The following CALCRL variants were observed in gnomAD, a reference collection of about 807,000 sequenced individuals.
CALCRL encodes the protein calcitonin receptor like receptor.
A neutral mutation model predicts 60.4 loss-of-function variants in CALCRL; 27 were observed. The observed-to-expected ratio is 0.45, with a 90% CI of 0.33 to 0.62. CALCRL has a LOEUF of 0.62. Ranked by LOEUF, CALCRL falls within the 20% of genes least tolerant of loss-of-function variation. The pLI is 0.03. For synonymous variants in CALCRL, 190 were observed against 182.6 expected (o/e 1.04, Z -0.33); for missense variants, 424 against 540.7 (o/e 0.78, Z 2.14).
intron 1 of CALCRL, among the ~76,000 whole-genome samples, chr2:187,439,066 A>G (rs1559080364): frequency 6.6e-6 from 1 of 152,136 alleles, no homozygotes; most frequent in Non-Finnish European, 1.5e-5. Flanking sequence ...TATTTAGTAA[A>G]CAGTTTTGGG....
At position 187,401,108 on chromosome 2, in the gene CALCRL, A is replaced by G. The variant is rs370929856; in HGVS notation, c.-292-13352T>C. Among the ~76,000 whole-genome samples the G allele has an allele frequency of 9.2e-5, 14 of 151,728 alleles. No homozygotes were observed. In the East Asian group the frequency reaches 1.6e-3, roughly 17 times the overall value. ...CTTTTAATGATTCTATTGCCCAAGT[A>G]GGGAACATATTGAATTGTACACTTT... On this transcript the variant is annotated intron_variant, in intron 1 of 14. Transcript: ENST00000392370.
chr2:187,447,683 G>A (rs574270081), intron 1 of CALCRL, among the ~76,000 whole-genome samples: 6 of 151,984 alleles, frequency 3.9e-5, no homozygotes, highest in African/African-American at 1.2e-4. Context: ...CTTCCGGGGG[G>A]AGAAATGTTT....
intron 8 of CALCRL, among the ~76,000 whole-genome samples, chr2:187,375,208 C>A (rs1574244575): frequency 6.9e-6 from 1 of 145,680 alleles, no homozygotes; most frequent in Admixed American, 7.1e-5. Context: ...GGAAGCGGAG[C>A]TTGCAGTGAG....
chr2:187,423,695 A>C (rs1689994640), intron 1 of CALCRL, among the ~76,000 whole-genome samples: 1 of 152,024 alleles, frequency 6.6e-6, no homozygotes, highest in South Asian at 2.1e-4. Flanking sequence ...TGGATCATTT[A>C]TTGGCATATC....
chr2:187,428,678 G>A (rs1690257838), intron 1 of CALCRL: 1 of 152,316 alleles, frequency 6.6e-6, no homozygotes, highest in Non-Finnish European at 1.5e-5. Flanking sequence ...TGGATCACGA[G>A]GTCGGGAGAT....
chr2:187,399,280 G>A (rs566917284), intron 1 of CALCRL, among the ~76,000 whole-genome samples: 4 of 151,448 alleles, frequency 2.6e-5, no homozygotes, highest in South Asian at 2.1e-4. Context: ...ATACATCTAC[G>A]GAGTAATTTT....
chr2:187,364,656 A>G (rs988214326), intron 8 of CALCRL, among the ~76,000 whole-genome samples: 2 of 152,198 alleles, frequency 1.3e-5, no homozygotes, highest in Non-Finnish European at 1.5e-5. Context: ...ACGGTTTTCT[A>G]TATTTAAAAA....
At chr2:187,350,289 TTTAA>T (rs1004284638) in intron 14 of CALCRL, among the ~76,000 whole-genome samples, 1 of 151,634 alleles carries the variant, frequency 6.6e-6, no homozygotes, top group African/African-American at 2.4e-5. Flanking sequence ...CTCATCTATA[TTTAA>T]TTATTACATC....
In CALCRL at chr2:187,415,699, A is replaced by ACCC. The variant is rs1574298199; in HGVS notation, c.-292-27944_-292-27943insGGG. 1.9e-5 allele frequency: 11 copies of ACCC among 584,050 alleles called. No homozygotes were observed. The East Asian group carries it at 4.2e-4, about 22-fold the overall frequency. 36.2% of individuals were successfully genotyped at this position (584,050 alleles called of 1,614,324 possible). A position where few individuals can be genotyped will look rare whatever the true frequency, so the allele number is the denominator to read the frequency against. ...GCACCAGGTTGTCTCCTCCGACTTC[A>ACCC]ACAGTGACACCCACTCTTCCACCTT... On this transcript the variant is annotated intron_variant, in intron 1 of 14. Transcript: ENST00000392370.
Position 187,346,251 on chromosome 2 carries a change from T to G in CALCRL, c.1319A>C (p.His440Pro). 6.2e-7 allele frequency: 1 copy of G among 1,612,228 alleles called. No homozygotes were observed. Among genetic ancestry groups the G allele is most frequent in the Middle Eastern group, 1.7e-4 (1 of 6,054 alleles). Reference sequence around the variant, plus strand: ...ATCATGGATGCTTTTTCCATTTAAGTGTTCACTAGGACAGTCATGACTATA... The same window carrying G: ...ATCATGGATGCTTTTTCCATTTAAGGGTTCACTAGGACAGTCATGACTATA... ...PGYSHDCPSE[H>P]LNGKSIHDIE... The change falls in exon 15 of 15, where the codon CAC becomes CCC. Residue 440 changes from histidine (H) to proline (P), a missense_variant. Coordinates refer to ENST00000392370, the MANE Select transcript of CALCRL (RefSeq NM_005795.6).
At position 187,377,870 on chromosome 2, in the gene CALCRL, A is replaced by C. The variant is rs375352743; in HGVS notation, c.500+1070T>G. On this transcript the variant is annotated intron_variant, in intron 8 of 14. Transcript: ENST00000392370. ...ATAGTTAAAATATTTTAAATACTAT[A>C]ATTAAAACTGTAGAAACAATATGAA... Among the ~76,000 whole-genome samples the C allele has an allele frequency of 2.0e-5, 3 of 152,178 alleles. No individual in the cohort carries two copies. In the East Asian group the frequency reaches 5.8e-4, roughly 29 times the overall value.
intron 8 of CALCRL, 150 bp from the exon 9 acceptor site, chr2:187,363,652 T>C: frequency 1.3e-6 from 1 of 798,260 alleles, no homozygotes; most frequent in Admixed American, 3.7e-5. Context: ...TACAAAAATC[T>C]TAATTAGGGA....
chr2:187,434,571 T>G (rs1690550029), intron 1 of CALCRL, among the ~76,000 whole-genome samples: 1 of 152,170 alleles, frequency 6.6e-6, no homozygotes, highest in Non-Finnish European at 1.5e-5. Context: ...CATTTTGAAC[T>G]GCTAGGATCC....
intron 1 of CALCRL, among the ~76,000 whole-genome samples, chr2:187,408,914 GA>G (rs1277988023): frequency 2.8e-4 from 43 of 151,964 alleles, no homozygotes; most frequent in African/African-American, 1.0e-3. Context: ...ATATTTTATA[GA>G]AATATAGAAC....
chr2:187,355,796 G>C (rs1320334412), intron 12 of CALCRL, among the ~76,000 whole-genome samples: 3 of 152,110 alleles, frequency 2.0e-5, no homozygotes, highest in Admixed American at 1.3e-4. Context: ...AGCAACTTTA[G>C]CAAAGTCTCA....
intron 1 of CALCRL, among the ~76,000 whole-genome samples, chr2:187,434,515 A>G (rs536523573): frequency 5.9e-5 from 9 of 152,210 alleles, no homozygotes; most frequent in Non-Finnish European, 1.3e-4. Flanking sequence ...GATATGACGC[A>G]ATGGAAACCT....
At chr2:187,397,860 T>C (rs1688727914) in intron 1 of CALCRL, among the ~76,000 whole-genome samples, 1 of 151,730 alleles carries the variant, frequency 6.6e-6, no homozygotes, top group Non-Finnish European at 1.5e-5. Flanking sequence ...AACACTGTAC[T>C]GGAACAACAA....
intron 1 of CALCRL, among the ~76,000 whole-genome samples, chr2:187,406,704 C>G (rs1279334742): frequency 2.0e-5 from 3 of 151,852 alleles, no homozygotes; most frequent in African/African-American, 7.3e-5. Flanking sequence ...GTGGTTTGGT[C>G]ACTTTTTGCT....
At chr2:187,352,011 A>G (rs1686555109) in intron 13 of CALCRL, 50 bp from the exon 14 acceptor site, 5 of 1,550,572 alleles carry the variant, frequency 3.2e-6, no homozygotes, top group South Asian at 2.2e-5. Flanking sequence ...AGATACATGT[A>G]TTTGTAATCA....
Sources: gnomAD v4.1 joint callset for allele counts (sites outside exome capture counted in the v4.1 genomes callset) on GRCh38, gnomAD v4.1.1 for gene constraint, MANE v1.5 for transcripts, NCBI Gene and HGNC (gene_info 2026-07-23, HGNC 2026-07-21) for gene names.